The following HS6ST3 variants were observed in gnomAD, a reference collection of about 807,000 sequenced individuals.
The protein encoded by HS6ST3 is heparan sulfate 6-O-sulfotransferase 3.
Under a neutral mutation model 36.7 loss-of-function variants are expected in HS6ST3, and 12 were observed. That is an observed-to-expected ratio of 0.33 (90% CI 0.21 to 0.53). The LOEUF (loss-of-function observed/expected upper bound fraction) is 0.53. Ranked by LOEUF, HS6ST3 falls within the 20% of genes least tolerant of loss-of-function variation. The pLI, the probability that HS6ST3 is intolerant of heterozygous loss-of-function variation, is 0.95. For synonymous variants in HS6ST3, 240 were observed against 257.5 expected (o/e 0.93, Z 0.65); for missense variants, 584 against 640.9 (o/e 0.91, Z 0.96).
chr13:96,528,813 A>G (rs1324164772), intron 1 of HS6ST3, among the ~76,000 whole-genome samples: 1 of 152,184 alleles, frequency 6.6e-6, no homozygotes, highest in Non-Finnish European at 1.5e-5. Context: ...TTTTCTTTAC[A>G]TCCTTCAGTG....
chr13:96,148,838 G>A (rs917161933), intron 1 of HS6ST3, among the ~76,000 whole-genome samples: 1 of 152,062 alleles, frequency 6.6e-6, no homozygotes, highest in African/African-American at 2.4e-5. Context: ...CCAGAAATAA[G>A]GCATATCAAT....
chr13:96,336,593 C>T (rs2055102365), intron 1 of HS6ST3, among the ~76,000 whole-genome samples: 1 of 152,136 alleles, frequency 6.6e-6, no homozygotes, highest in African/African-American at 2.4e-5. Context: ...AGATAGCCAT[C>T]TGCAAGTCAG....
intron 1 of HS6ST3, among the ~76,000 whole-genome samples, chr13:96,443,560 A>G: frequency 6.6e-6 from 1 of 151,940 alleles, no homozygotes; most frequent in East Asian, 1.9e-4. Context: ...GCAGACTAAA[A>G]TGTAGCCTAA....
chr13:96,711,073 C>T (rs1875549895), intron 1 of HS6ST3, among the ~76,000 whole-genome samples: 1 of 152,180 alleles, frequency 6.6e-6, no homozygotes, highest in Non-Finnish European at 1.5e-5. Flanking sequence ...ACATCTGAAC[C>T]TGTCTTATGT....
At chr13:96,825,371 A>G (rs1367448507) in intron 1 of HS6ST3, among the ~76,000 whole-genome samples, 2 of 152,206 alleles carry the variant, frequency 1.3e-5, no homozygotes, top group Non-Finnish European at 2.9e-5. Context: ...CTACTGCAGT[A>G]TTGAAAAGGA....
chr13:96,371,464 T>A (rs1413215972), intron 1 of HS6ST3, among the ~76,000 whole-genome samples: 1 of 152,156 alleles, frequency 6.6e-6, no homozygotes, highest in Non-Finnish European at 1.5e-5. Context: ...TGTATGTGTG[T>A]GTGTATGTGA....
intron 1 of HS6ST3, among the ~76,000 whole-genome samples, chr13:96,382,815 GAT>G: frequency 6.6e-6 from 1 of 152,284 alleles, no homozygotes; most frequent in Middle Eastern, 3.4e-3. Flanking sequence ...ATATTATTAA[GAT>G]TTCTTCTCTC....
intron 1 of HS6ST3, among the ~76,000 whole-genome samples, chr13:96,631,045 C>G (rs1319678363): frequency 6.6e-6 from 1 of 152,110 alleles, no homozygotes; most frequent in East Asian, 1.9e-4. Context: ...GAAACATGCT[C>G]AACGTATAAG....
chr13:96,645,505 C>T (rs896802446), intron 1 of HS6ST3, among the ~76,000 whole-genome samples: 7 of 150,338 alleles, frequency 4.7e-5, no homozygotes, highest in South Asian at 2.1e-4. Context: ...CGTATTCCAC[C>T]GAGGTGAAAT....
At chr13:96,331,988 T>A (rs2055072432) in intron 1 of HS6ST3, among the ~76,000 whole-genome samples, 1 of 152,206 alleles carries the variant, frequency 6.6e-6, no homozygotes, top group Non-Finnish European at 1.5e-5. Flanking sequence ...GAAAGGGAAC[T>A]CCCTGACCCC....
At chr13:96,292,373 T>G (rs1594744969) in intron 1 of HS6ST3, among the ~76,000 whole-genome samples, 1 of 152,070 alleles carries the variant, frequency 6.6e-6, no homozygotes, top group East Asian at 1.9e-4. Context: ...TATTTTAAAT[T>G]TTATTTCTTT....
intron 1 of HS6ST3, among the ~76,000 whole-genome samples, chr13:96,599,724 A>G (rs1313619280): frequency 2.6e-5 from 4 of 151,756 alleles, no homozygotes. Context: ...GAGTGATGTT[A>G]TGTTGTAAGT....
At chr13:96,691,871 A>T (rs933999856) in intron 1 of HS6ST3, among the ~76,000 whole-genome samples, 2 of 152,172 alleles carry the variant, frequency 1.3e-5, no homozygotes, top group Non-Finnish European at 2.9e-5. Flanking sequence ...AGGTGTTAAT[A>T]TTCCTACTCT....
At position 96,737,771 on chromosome 13, in the gene HS6ST3, A is replaced by G. The variant is rs140680662; in HGVS notation, c.708-94719A>G. On this transcript the variant is annotated intron_variant, in intron 1 of 1. Coordinates refer to ENST00000376705, the MANE Select transcript of HS6ST3 (RefSeq NM_153456.4). ...AAGAAGGTTTATATGTTATTTTAAT[A>G]AAGCTATCATCTCTAGGTGAGAATT... Among the ~76,000 whole-genome samples the G allele has an allele frequency of 4.3e-3, 658 of 152,300 alleles. 2 individuals are homozygous for G. Among genetic ancestry groups the G allele is most frequent in the African/African-American group, 0.014 (593 of 41,570 alleles).
At chr13:96,316,772 G>A (rs191086089) in intron 1 of HS6ST3, among the ~76,000 whole-genome samples, 11 of 152,192 alleles carry the variant, frequency 7.2e-5, no homozygotes, top group Non-Finnish European at 1.3e-4. Flanking sequence ...GAACAAACAC[G>A]CCTACCCCCT....
chr13:96,681,543 A>G (rs1018988023), intron 1 of HS6ST3, among the ~76,000 whole-genome samples: 20 of 152,196 alleles, frequency 1.3e-4, no homozygotes, highest in Admixed American at 2.0e-4. Flanking sequence ...ATGGGCATGC[A>G]AGGTCCTTAA....
chr13:96,766,956 G>T (rs965709860), intron 1 of HS6ST3, among the ~76,000 whole-genome samples: 6 of 152,160 alleles, frequency 3.9e-5, no homozygotes, highest in Non-Finnish European at 8.8e-5. Context: ...TGAGTAAATT[G>T]CCTTAAGCAT....
intron 1 of HS6ST3, among the ~76,000 whole-genome samples, chr13:96,343,223 G>A (rs1238666449): frequency 1.3e-5 from 2 of 152,184 alleles, no homozygotes; most frequent in Non-Finnish European, 2.9e-5. Flanking sequence ...AGACTTAATA[G>A]TATCAAACAA....
At chr13:96,334,747 A>G (rs572111434) in intron 1 of HS6ST3, among the ~76,000 whole-genome samples, 12 of 152,160 alleles carry the variant, frequency 7.9e-5, no homozygotes, top group African/African-American at 1.9e-4. Context: ...CCATGATTCA[A>G]TTATCTCCCA....
Sources: allele counts gnomAD v4.1 joint callset (sites outside exome capture counted in the v4.1 genomes callset), GRCh38; gene constraint gnomAD v4.1.1; transcripts MANE v1.5; gene names NCBI Gene and HGNC (gene_info 2026-07-23, HGNC 2026-07-21).